Variants in POLA2 observed in about 807,000 individuals in gnomAD.
POLA2 encodes DNA polymerase alpha 2, accessory subunit.
Under a neutral mutation model 82.8 loss-of-function variants are expected in POLA2, and 47 were observed. The observed-to-expected ratio is 0.57, with a 90% CI of 0.45 to 0.72. The LOEUF is 0.72. Among genes scored for constraint, POLA2 ranks in the 30% least tolerant of loss-of-function variants. POLA2 has a pLI of 0.00. For synonymous variants in POLA2, 287 were observed against 286.8 expected (o/e 1.00, Z -0.01); for missense variants, 634 against 728.1 (o/e 0.87, Z 1.49).
At chr11:65,282,779 A>G (rs1949654880) in intron 10 of POLA2, among the ~76,000 whole-genome samples, 1 of 152,186 alleles carries the variant, frequency 6.6e-6, no homozygotes, top group Non-Finnish European at 1.5e-5. Context: ...TTTAACAGGT[A>G]TTTTTGAAGG....
intron 1 of POLA2, among the ~76,000 whole-genome samples, chr11:65,263,380 C>T (rs899800994): frequency 5.9e-5 from 9 of 151,844 alleles, no homozygotes; most frequent in Non-Finnish European, 1.2e-4. Flanking sequence ...CCACCAGGCC[C>T]GACTAATTTT....
At chr11:65,286,549 C>G (rs985384977) in intron 10 of POLA2, among the ~76,000 whole-genome samples, 8 of 151,956 alleles carry the variant, frequency 5.3e-5, no homozygotes, top group Non-Finnish European at 8.8e-5. Context: ...ACCACTCTGC[C>G]CAGCTAATTT....
intron 3 of POLA2, among the ~76,000 whole-genome samples, chr11:65,267,967 T>G (rs1224022819): frequency 6.6e-6 from 1 of 151,730 alleles, no homozygotes; most frequent in Non-Finnish European, 1.5e-5. Context: ...AATTTTGTAT[T>G]TTTTTTGGTA....
chr11:65,263,897 A>G (rs532906336), intron 1 of POLA2, among the ~76,000 whole-genome samples: 15 of 152,170 alleles, frequency 9.9e-5, no homozygotes, highest in Non-Finnish European at 1.8e-4. Flanking sequence ...GCATGAAATC[A>G]GCATGAGAGA....
At chr11:65,298,849 C>T (rs116577467), downstream of POLA2, among the ~76,000 whole-genome samples, 962 of 152,230 alleles carry the variant, frequency 6.3e-3, 9 homozygotes, top group African/African-American at 0.022. Context: ...TGTCAGCCTC[C>T]GGATGTGGAA....
chr11:65,275,140 T>A (rs1303357026), intron 4 of POLA2, among the ~76,000 whole-genome samples: 1 of 152,214 alleles, frequency 6.6e-6, no homozygotes, highest in Non-Finnish European at 1.5e-5. Flanking sequence ...TGTCCTGCAG[T>A]TGCCACCAGC....
chr11:65,304,737 C>A (rs557937024), intron 8 of POLA2, among the ~76,000 whole-genome samples: 200 of 152,298 alleles, frequency 1.3e-3, no homozygotes, highest in Non-Finnish European at 2.5e-3. Context: ...TGTGCAGGGA[C>A]CTAGCCCTGG....
chr11:65,297,221 G>A lies in POLA2; in HGVS notation c.1749G>A (p.Gly583=). ...RLYLRRPAAD[G]AERQSPCIAV... is the part of the protein sequence containing the mutation. ...ACCTTAGGAGGCCGGCAGCGGACGG[G>A]GCAGAGAGGCAGAGCCCATGCATTG... The change falls in exon 18 of 18, where the codon GGG becomes GGA. Residue 583 remains glycine (G), a synonymous_variant. Transcript: ENST00000265465. The A allele has an allele frequency of 6.2e-7, 1 of 1,613,686 alleles. No homozygotes were observed. The highest frequency in any genetic ancestry group is 1.1e-5 in the South Asian group (1 of 91,042).
intron 3 of POLA2, 88 bp downstream of exon 3, chr11:65,267,656 A>ATAATAAGGCCGGGG (rs1243575008): frequency 2.3e-6 from 2 of 886,834 alleles, no homozygotes; most frequent in Middle Eastern, 2.2e-4. Flanking sequence ...TTAAAAACAA[A>ATAATAAGGCCGGGG]TAATAAGGCC....
In POLA2 at chr11:65,294,570, T is replaced by G. The variant is rs756134521; in HGVS notation, c.1378T>G (p.Cys460Gly). The change falls in exon 15 of 18, where the codon TGC becomes GGC. Residue 460 changes from cysteine to glycine, a missense_variant. Coordinates refer to ENST00000265465, the MANE Select transcript of POLA2 (RefSeq NM_002689.4). The part of the protein sequence containing the change: ...KKQVQFVSEP[C>G]SLSINGVIFG... ...GCAAGTACAGTTTGTGTCCGAGCCC[T>G]GCAGCCTCTCCATAAACGGAGTGAT... is the stretch of plus-strand genomic sequence containing the variant. 3 of 1,613,878 alleles carry G rather than the reference T, an allele frequency of 1.9e-6. No homozygotes were observed. The highest frequency in any genetic ancestry group is 2.5e-6 in the Non-Finnish European group (3 of 1,179,744).
Position 65,297,355 on chromosome 11 carries a change from A to G in POLA2, c.*86A>G, listed in dbSNP as rs1949823135. ...GACATAGCCCTGTGACAAGGTGAACAGTTGGGTGGGAAAGGAGAGAGGAGC... is the reference window on the plus strand; with the variant it reads ...GACATAGCCCTGTGACAAGGTGAACGGTTGGGTGGGAAAGGAGAGAGGAGC... On this transcript the variant is annotated 3_prime_UTR_variant, in exon 18 of 18. Coordinates refer to ENST00000265465, the MANE Select transcript of POLA2 (RefSeq NM_002689.4). 1 of 1,443,628 alleles carries G rather than the reference A, an allele frequency of 6.9e-7. No individual in the cohort carries two copies. Among genetic ancestry groups the G allele is most frequent in the Admixed American group, 2.6e-5 (1 of 38,804 alleles). 89.4% of individuals were successfully genotyped at this position (1,443,628 alleles called of 1,614,324 possible).
At chr11:65,281,263 T>C (rs1949638379) in intron 8 of POLA2, 116 bp downstream of exon 8, 1 of 1,067,754 alleles carries the variant, frequency 9.4e-7, no homozygotes, top group East Asian at 2.4e-5. Context: ...GGGGTGCAGC[T>C]GGAGCACATG....
At chr11:65,267,122 C>T (rs971694400) in intron 2 of POLA2, among the ~76,000 whole-genome samples, 4 of 152,118 alleles carry the variant, frequency 2.6e-5, no homozygotes, top group Admixed American at 2.0e-4. Flanking sequence ...AGGAGAATCG[C>T]TTGAACCGAG....
At chr11:65,302,979 G>A (rs1949866765), downstream of POLA2, among the ~76,000 whole-genome samples, 1 of 152,054 alleles carries the variant, frequency 6.6e-6, no homozygotes, top group African/African-American at 2.4e-5. Flanking sequence ...CCAAATTGTT[G>A]GGACTACAGG....
At chr11:65,266,282 C>T (rs991547484) in intron 1 of POLA2, among the ~76,000 whole-genome samples, 1 of 152,178 alleles carries the variant, frequency 6.6e-6, no homozygotes, top group Non-Finnish European at 1.5e-5. Flanking sequence ...AGAGTCCAGC[C>T]ACTTCTCGCC....
downstream of POLA2, among the ~76,000 whole-genome samples, chr11:65,301,804 G>C (rs655433): frequency 0.14 from 21,910 of 152,208 alleles, 1,697 homozygotes; most frequent in South Asian, 0.21. Context: ...AAGACTCCCA[G>C]CTGCATTCAG....
In POLA2 at chr11:65,294,222, G is replaced by T. The variant is rs890928479; in HGVS notation, c.1314G>T (p.Pro438=). 2 of 1,614,004 alleles carry T rather than the reference G, an allele frequency of 1.2e-6. No homozygotes were observed. The highest frequency in any genetic ancestry group is 1.1e-5 in the South Asian group (1 of 91,084). The part of the protein sequence containing the change: ...DVHHEPVYPQ[P]PFSYSDLSRE... ...ACCATGAGCCTGTGTACCCCCAGCCGCCTTTCAGCTACTCCGATCTGTCTC... is the reference window on the plus strand; with the variant it reads ...ACCATGAGCCTGTGTACCCCCAGCCTCCTTTCAGCTACTCCGATCTGTCTC... Residue 438 remains proline, a synonymous_variant, in exon 14 of 18, where the codon CCG becomes CCT. Coordinates refer to ENST00000265465, the MANE Select transcript of POLA2 (RefSeq NM_002689.4).
intron 1 of POLA2, among the ~76,000 whole-genome samples, chr11:65,263,994 A>G (rs1949430555): frequency 6.6e-6 from 1 of 152,152 alleles, no homozygotes; most frequent in Admixed American, 6.5e-5. Context: ...GGAATTGTGG[A>G]CTTTGGATCA....
chr11:65,267,592 T>G (rs1323110601), intron 3 of POLA2, 24 bp downstream of exon 3: 1 of 1,398,190 alleles, frequency 7.2e-7, no homozygotes, highest in Non-Finnish European at 1.0e-6. Context: ...CTGAAGGTCT[T>G]TGCACCAAGC....
Sources: gnomAD v4.1 joint callset for allele counts (sites outside exome capture counted in the v4.1 genomes callset) on GRCh38, gnomAD v4.1.1 for gene constraint, MANE v1.5 for transcripts, NCBI Gene and HGNC (gene_info 2026-07-23, HGNC 2026-07-21) for gene names.